PPFIA2: variants seen among roughly 807,000 people sequenced by gnomAD.
PPFIA2 encodes the protein liprin-alpha-2.
A neutral mutation model predicts 175.5 loss-of-function variants in PPFIA2; 46 were observed. The ratio of observed to expected loss-of-function variants is 0.26; its 90% confidence interval spans 0.21 to 0.34. The LOEUF (loss-of-function observed/expected upper bound fraction) is 0.34. PPFIA2 is among the 10% of genes least tolerant of loss of function. The pLI is 1.00. For missense variants in PPFIA2, 1,179 were observed against 1,506.1 expected, an observed-to-expected ratio of 0.78 and a Z score of 3.60; for synonymous variants, 568 against 511.4, an observed-to-expected ratio of 1.11 and a Z score of -1.49.
intron 24 of PPFIA2, 116 bp from the exon 25 acceptor site, chr12:81,284,419 C>A: frequency 1.4e-6 from 1 of 736,744 alleles, no homozygotes; most frequent in Non-Finnish European, 2.4e-6. Flanking sequence ...AGTGCCCTTG[C>A]CCCTACCGTG....
intron 8 of PPFIA2, among the ~76,000 whole-genome samples, chr12:81,400,842 C>T (rs190439551): frequency 4.6e-5 from 7 of 152,186 alleles, no homozygotes; most frequent in African/African-American, 1.4e-4. Context: ...TGTGACATGC[C>T]GAGGATGTGC....
chr12:81,537,495 T>A (rs182801017), intron 4 of PPFIA2, among the ~76,000 whole-genome samples: 1 of 151,960 alleles, frequency 6.6e-6, no homozygotes, highest in East Asian at 1.9e-4. Flanking sequence ...TGCCATGCAA[T>A]GCCAAATAAA....
In PPFIA2 at chr12:81,642,683, C is replaced by CATACATGTATA. The variant is rs1567686433; in HGVS notation, c.303+34107_303+34108insTATACATGTAT. 1.3e-3 allele frequency among the ~76,000 whole-genome samples: 47 copies of CATACATGTATA among 35,982 alleles called. 17 individuals carry two copies. The highest frequency in any genetic ancestry group is 3.7e-3 in the African/African-American group (36 of 9,648). 23.6% of individuals were successfully genotyped at this position (35,982 alleles called of 152,430 possible). On this transcript the variant is annotated intron_variant, in intron 4 of 32. Transcript: ENST00000549396. ...CTATTATATACATACATGTATGTAT[C>CATACATGTATA]TATTATATACATACATGTATATGTA...
At chr12:81,656,690 T>C (rs1340427058) in intron 4 of PPFIA2, among the ~76,000 whole-genome samples, 1 of 151,912 alleles carries the variant, frequency 6.6e-6, no homozygotes, top group African/African-American at 2.4e-5. Context: ...GAGTAAAATA[T>C]AAGAATATCC....
intron 4 of PPFIA2, among the ~76,000 whole-genome samples, chr12:81,475,706 G>C (rs191825873): frequency 1.2e-3 from 178 of 152,180 alleles, no homozygotes; most frequent in African/African-American, 3.6e-3. Flanking sequence ...TGTGAACGCT[G>C]ATCTTTTTGT....
At chr12:81,641,887 ACT>A (rs947948332) in intron 4 of PPFIA2, among the ~76,000 whole-genome samples, 23 of 151,890 alleles carry the variant, frequency 1.5e-4, no homozygotes, top group African/African-American at 5.6e-4. Flanking sequence ...ATTCAGGAAA[ACT>A]CTGCTCTAGT....
chr12:81,445,095 T>C (rs554007664), intron 6 of PPFIA2, among the ~76,000 whole-genome samples: 1 of 151,728 alleles, frequency 6.6e-6, no homozygotes, highest in African/African-American at 2.4e-5. Flanking sequence ...GAAAATAAGA[T>C]GCTTCTAAAA....
chr12:81,495,131 A>C (rs949612065), intron 4 of PPFIA2, among the ~76,000 whole-genome samples: 4 of 152,088 alleles, frequency 2.6e-5, no homozygotes, highest in African/African-American at 9.7e-5. Context: ...AGTGTCGTTT[A>C]GGACATCAGT....
At chr12:81,689,553 T>G (rs2153585432) in intron 3 of PPFIA2, among the ~76,000 whole-genome samples, 1 of 152,012 alleles carries the variant, frequency 6.6e-6, no homozygotes, top group South Asian at 2.1e-4. Flanking sequence ...AATGTAGGAG[T>G]TGTAGAGCAC....
chr12:81,465,771 A>C (rs2146094847), intron 4 of PPFIA2, among the ~76,000 whole-genome samples: 1 of 152,180 alleles, frequency 6.6e-6, no homozygotes, highest in African/African-American at 2.4e-5. Context: ...AAAGCAACAA[A>C]AAGATAATAT....
intron 22 of PPFIA2, among the ~76,000 whole-genome samples, chr12:81,307,054 G>C (rs1393399635): frequency 6.6e-6 from 1 of 152,042 alleles, no homozygotes; most frequent in Admixed American, 6.5e-5. Flanking sequence ...CCACTTCCCA[G>C]AGCTGGTAAG....
intron 4 of PPFIA2, among the ~76,000 whole-genome samples, chr12:81,493,730 TTGTGTGTGTGTGTG>T (rs3075419): frequency 8.2e-6 from 1 of 122,328 alleles, no homozygotes; most frequent in Non-Finnish European, 1.7e-5. Context: ...GAGTGTGTGT[TTGTGTGTGTGTGTG>T]TGTGTGTGTC....
In PPFIA2 at chr12:81,360,008, G is replaced by A. The variant is rs116107018; in HGVS notation, c.1638-1791C>T. On this transcript the variant is annotated intron_variant, in intron 15 of 32. Coordinates refer to ENST00000549396, the MANE Select transcript of PPFIA2 (RefSeq NM_003625.5). ...ACTTTCTTTTCATTTCTTTGAACAT[G>A]CTTTTGTTTTTGTTTGTTTGTTTGT... 3.7e-3 allele frequency among the ~76,000 whole-genome samples: 560 copies of A among 151,838 alleles called. 3 individuals are homozygous for A. Among genetic ancestry groups the A allele is most frequent in the African/African-American group, 0.013 (531 of 41,480 alleles).
rs2053848225 is a variant in PPFIA2 at position 81,457,821 on chromosome 12, G to T, written c.349C>A (p.Leu117Ile). 2 of 1,610,402 alleles carry T rather than the reference G, an allele frequency of 1.2e-6. No individual in the cohort carries two copies. The highest frequency in any genetic ancestry group is 1.3e-5 in the African/African-American group (1 of 74,892). The change falls in exon 5 of 33, where the codon CTT becomes ATT. Residue 117 changes from leucine (L) to isoleucine (I), a missense_variant. Around this residue, in one of 10 missense-constraint regions of PPFIA2, gnomAD observed 128 missense variants for 141.4 expected, o/e 0.91. Transcript: ENST00000549396. ...TKELNACREQ[L>I]LEKEEEISEL... ...GAGATTTCTTCTTCCTTTTCTAGAA[G>T]TTGTTCCCTGCAGGCATTTAATTCT...
chr12:81,567,980 T>C (rs2071691770), intron 4 of PPFIA2, among the ~76,000 whole-genome samples: 1 of 152,212 alleles, frequency 6.6e-6, no homozygotes, highest in Non-Finnish European at 1.5e-5. Context: ...CCTGTGTCCT[T>C]AACCTGTAAA....
intron 19 of PPFIA2, 61 bp downstream of exon 19, chr12:81,344,603 A>T: frequency 8.2e-7 from 1 of 1,223,734 alleles, no homozygotes; most frequent in Non-Finnish European, 1.1e-6. Context: ...ATATTATTTT[A>T]AAGCTTTCAT....
At chr12:81,498,819 T>C (rs796936053) in intron 4 of PPFIA2, among the ~76,000 whole-genome samples, 1 of 152,196 alleles carries the variant, frequency 6.6e-6, no homozygotes, top group African/African-American at 2.4e-5. Context: ...GAGACGGGGT[T>C]TCACTATGTT....
chr12:81,362,912 T>C (rs919426089), intron 14 of PPFIA2, 128 bp from the exon 15 acceptor site: 25 of 527,722 alleles, frequency 4.7e-5, no homozygotes, highest in African/African-American at 4.4e-4. Context: ...TTATTACACA[T>C]AATAATAAAG....
At chr12:81,705,185 C>T (rs1368546990) in intron 3 of PPFIA2, among the ~76,000 whole-genome samples, 4 of 149,796 alleles carry the variant, frequency 2.7e-5, no homozygotes, top group African/African-American at 7.3e-5. Context: ...CGCAGTGGCT[C>T]ACTCCTATAA....
Sources: allele counts gnomAD v4.1 joint callset (sites outside exome capture counted in the v4.1 genomes callset), GRCh38; gene constraint gnomAD v4.1.1; regional missense constraint gnomAD v4.1.1; transcripts MANE v1.5; gene names NCBI Gene and HGNC (gene_info 2026-07-23, HGNC 2026-07-21).